MINAR1: variants seen among roughly 807,000 people sequenced by gnomAD.
MINAR1 encodes the protein membrane integral NOTCH2 associated receptor 1, also known as major intrinsically disordered Notch2-binding receptor 1.
In MINAR1, 40 loss-of-function variants were observed where a neutral mutation model predicts 65.1. The observed-to-expected ratio is 0.61, with a 90% CI of 0.48 to 0.80. MINAR1 has a LOEUF of 0.80. MINAR1 is among the 30% of genes least tolerant of loss of function. MINAR1 has a pLI of 0.00. For synonymous variants in MINAR1, 482 were observed against 449.1 expected (o/e 1.07, Z -0.93); for missense variants, 1,128 against 1,148.0 (o/e 0.98, Z 0.25).
In MINAR1 at chr15:79,471,553, T is replaced by G. The variant is rs1302589567; in HGVS notation, c.*3169T>G. On this transcript the variant is annotated 3_prime_UTR_variant, in exon 4 of 4. Transcript: ENST00000305428. ...TTGTTAGTATTTTAAGGTATGCAACTATGTGATTGACATCTGTAAGGCTAG... is the reference window on the plus strand; with the variant it reads ...TTGTTAGTATTTTAAGGTATGCAACGATGTGATTGACATCTGTAAGGCTAG... 2.0e-5 allele frequency: 3 copies of G among 152,632 alleles called. No individual in the cohort carries two copies. The allele number at this position is 152,632 out of a possible 1,614,324, so 9.5% of individuals were successfully genotyped here. A position where few individuals can be genotyped will look rare whatever the true frequency, so the allele number is the denominator to read the frequency against.
intron 2 of MINAR1, among the ~76,000 whole-genome samples, chr15:79,461,805 C>T (rs1895650542): frequency 6.6e-6 from 1 of 152,024 alleles, no homozygotes; most frequent in African/African-American, 2.4e-5. Context: ...AACCCCTATG[C>T]AAGCATCTGA....
chr15:79,468,056 G>C (rs1169712070), intron 3 of MINAR1, 131 bp from the exon 4 acceptor site: 1 of 686,704 alleles, frequency 1.5e-6, no homozygotes, highest in Non-Finnish European at 2.5e-6. Context: ...TGGTGGGGCA[G>C]TGTTATGCAA....
intron 1 of MINAR1, among the ~76,000 whole-genome samples, chr15:79,441,110 T>G (rs1458755003): frequency 6.6e-6 from 1 of 152,222 alleles, no homozygotes; most frequent in Middle Eastern, 3.2e-3. Context: ...AGATTAGAGA[T>G]GATAATTTAC....
rs571875382 is a variant in MINAR1, at chr15:79,458,526, T to C, written c.2298+81T>C. The C allele has an allele frequency of 2.0e-6, 3 of 1,506,106 alleles. No individual in the cohort carries two copies. In the African/African-American group the frequency reaches 4.2e-5, roughly 21 times the overall value. 93.3% of individuals were successfully genotyped at this position (1,506,106 alleles called of 1,614,324 possible). A position where few individuals can be genotyped will look rare whatever the true frequency, so the allele number is the denominator to read the frequency against. On this transcript the variant is annotated intron_variant, in intron 2 of 3. Coordinates refer to ENST00000305428, the MANE Select transcript of MINAR1 (RefSeq NM_015206.3). ...TATTTCAAAGCCTTGAACATGGCGT[T>C]AAACAGGCAAGAGGCCTGGCCTCTG...
Position 79,470,398 on chromosome 15 carries a change from A to ATAGG in MINAR1, c.*2018_*2021dup, listed in dbSNP as rs1567065772. 6.6e-6 allele frequency: 1 copy of ATAGG among 152,284 alleles called. No homozygotes were observed. The highest frequency in any genetic ancestry group is 1.9e-4 in the East Asian group (1 of 5,182). 9.4% of individuals were successfully genotyped at this position (152,284 alleles called of 1,614,324 possible). On this transcript the variant is annotated 3_prime_UTR_variant, in exon 4 of 4. Transcript: ENST00000305428. ...CAGATGAAGTGCCAGAGCATCAGAGATAGGTAGCTCCCAACCTCTTGCTCT... is the reference window on the plus strand; with the variant it reads ...CAGATGAAGTGCCAGAGCATCAGAGATAGGTAGGTAGCTCCCAACCTCTTGCTCT...
chr15:79,434,369 C>T (rs115624472), intron 1 of MINAR1, among the ~76,000 whole-genome samples: 1,645 of 152,336 alleles, frequency 0.011, 28 homozygotes, highest in African/African-American at 0.037. Flanking sequence ...CTCTGATACT[C>T]TGTCTGAAAC....
At position 79,456,911 on chromosome 15, in the gene MINAR1, A is replaced by G; in HGVS notation, c.764A>G (p.Gln255Arg). 1 of 1,614,216 alleles carries G rather than the reference A, an allele frequency of 6.2e-7. No individual in the cohort carries two copies. The highest frequency in any genetic ancestry group is 1.1e-5 in the South Asian group (1 of 91,080). The change falls in exon 2 of 4, where the codon CAG (glutamine) becomes CGG (arginine). Residue 255 changes from glutamine (Q) to arginine (R), a missense_variant. Physicochemically the swap from Gln to Arg is conservative, Grantham distance 43. Coordinates refer to ENST00000305428, the MANE Select transcript of MINAR1 (RefSeq NM_015206.3). ...CCATTTGTGGTCCAGTCCTGTGTCC[A>G]GAAAAGGAATATCTTCAAAGAGGAT... ...EEPFVVQSCVQKRNIFKEDFH... is the reference protein window; with the variant it reads ...EEPFVVQSCVRKRNIFKEDFH...
intron 3 of MINAR1, among the ~76,000 whole-genome samples, chr15:79,464,526 G>C (rs1882281729): frequency 6.6e-6 from 1 of 152,182 alleles, no homozygotes; most frequent in African/African-American, 2.4e-5. Flanking sequence ...ATTCATACTG[G>C]ACCATCTGGC....
rs777620666 is a variant in MINAR1, at chr15:79,457,161, A to G, written c.1014A>G (p.Thr338=). 6 of 1,614,102 alleles carry G rather than the reference A, an allele frequency of 3.7e-6. 1 individual carries two copies. In the South Asian group the frequency reaches 4.4e-5, roughly 12 times the overall value. ...HESLDDLQAS[T]YFGPTPVMGT... ...GCTTAGATGACCTTCAAGCCTCTAC[A>G]TATTTTGGGCCCACTCCCGTGATGG... Residue 338 remains threonine, a synonymous_variant, in exon 2 of 4, where the codon ACA becomes ACG. Coordinates refer to ENST00000305428, the MANE Select transcript of MINAR1 (RefSeq NM_015206.3).
chr15:79,444,801 T>G (rs1244508024), intron 1 of MINAR1, among the ~76,000 whole-genome samples: 1 of 152,036 alleles, frequency 6.6e-6, no homozygotes, highest in Non-Finnish European at 1.5e-5. Flanking sequence ...GGATATAAAT[T>G]CATTTTTTTA....
At chr15:79,467,674 CTA>C (rs1300667463) in intron 3 of MINAR1, among the ~76,000 whole-genome samples, 1 of 152,148 alleles carries the variant, frequency 6.6e-6, no homozygotes, top group Non-Finnish European at 1.5e-5. Context: ...TTGAAATAGT[CTA>C]TGTTTTGTTT....
intron 1 of MINAR1, among the ~76,000 whole-genome samples, chr15:79,433,463 G>C (rs1894509556): frequency 6.6e-6 from 1 of 152,140 alleles, no homozygotes; most frequent in Admixed American, 6.5e-5. Context: ...CAGAGTTTCT[G>C]CTATAAACAA....
the MINAR1 span, chr15:79,418,058 G>A: frequency 5.9e-5 from 9 of 152,164 alleles, no homozygotes; most frequent in Admixed American, 3.9e-4. Context: ...ACTGTAATGC[G>A]GAGTGCAAAT....
At chr15:79,418,678 G>A in the MINAR1 span, 1 of 152,450 alleles carries the variant, frequency 6.6e-6, no homozygotes, top group Non-Finnish European at 1.5e-5. Flanking sequence ...GATGCTCTTT[G>A]TCAAAAGGTG....
the MINAR1 span, chr15:79,416,476 C>G: frequency 6.6e-6 from 1 of 152,214 alleles, no homozygotes; most frequent in Admixed American, 6.5e-5. Flanking sequence ...GGTCGTAAGT[C>G]TCATCTTACC....
chr15:79,435,586 CCTT>C lies in MINAR1; in HGVS notation c.-51+3049_-51+3051del, dbSNP rs541234976. On this transcript the variant is annotated intron_variant, in intron 1 of 3. Coordinates refer to ENST00000305428, the MANE Select transcript of MINAR1 (RefSeq NM_015206.3). ...GGACCATAACTTTTTCAGCCCTGGA[CCTT>C]CTGAGTCTCACACAGTGCCTGGCAT... is the stretch of plus-strand genomic sequence containing the variant. Among the ~76,000 whole-genome samples the C allele has an allele frequency of 2.9e-3, 449 of 152,302 alleles. 3 individuals carry two copies. The highest frequency in any genetic ancestry group is 1.0e-2 in the African/African-American group (414 of 41,564).
chr15:79,448,677 C>T (rs16970943), intron 1 of MINAR1, among the ~76,000 whole-genome samples: 35,803 of 152,036 alleles, frequency 0.24, 5,696 homozygotes, highest in African/African-American at 0.45. Flanking sequence ...TATATTTTGG[C>T]GTATTGGAAA....
intron 2 of MINAR1, among the ~76,000 whole-genome samples, chr15:79,460,417 G>A (rs1257790359): frequency 2.0e-5 from 3 of 152,174 alleles, no homozygotes; most frequent in Non-Finnish European, 4.4e-5. Flanking sequence ...TGAGGATGGA[G>A]TCAGCATTCT....
upstream of MINAR1, among the ~76,000 whole-genome samples, chr15:79,428,226 CCCCT>C (rs1482265851): frequency 3.2e-5 from 4 of 123,336 alleles, no homozygotes; most frequent in Non-Finnish European, 6.7e-5. Context: ...TCCTTTATTC[CCCCT>C]CCCTCCCTCC....
Sources: allele counts gnomAD v4.1 joint callset (sites outside exome capture counted in the v4.1 genomes callset), GRCh38; gene constraint gnomAD v4.1.1; transcripts MANE v1.5; gene names NCBI Gene and HGNC (gene_info 2026-07-23, HGNC 2026-07-21).